TMPRSS4: variants seen among roughly 807,000 people sequenced by gnomAD.
TMPRSS4 encodes the protein transmembrane protease serine 4.
Under a neutral mutation model 56.4 loss-of-function variants are expected in TMPRSS4, and 45 were observed. The ratio of observed to expected loss-of-function variants is 0.80; its 90% confidence interval spans 0.63 to 1.02. The LOEUF is 1.02. TMPRSS4 is among the 50% of genes least tolerant of loss of function. The pLI is 0.00. For missense variants in TMPRSS4, 546 were observed against 556.7 expected (o/e 0.98, Z 0.19); for synonymous variants, 205 against 211.0 (o/e 0.97, Z 0.25).
At chr11:118,124,770 T>C (rs1947856897), downstream of TMPRSS4, among the ~76,000 whole-genome samples, 2 of 152,216 alleles carry the variant, frequency 1.3e-5, no homozygotes. Context: ...CAAAAAAGCA[T>C]TCTTCTCAAG....
Position 118,115,274 on chromosome 11 carries a change from C to T in TMPRSS4, c.1146C>T (p.Thr382=). 1 of 1,612,216 alleles carries T rather than the reference C, an allele frequency of 6.2e-7. No homozygotes were observed. Among genetic ancestry groups the T allele is most frequent in the Non-Finnish European group, 8.5e-7 (1 of 1,179,756 alleles). ...GCATCCCGGAAGGGGGTGTGGACAC[C>T]TGCCAGGTGGGGCCTCCAAGAATCA... ...CAGIPEGGVD[T]CQGDSGGPLM... The change falls in exon 11 of 13, where the codon ACC becomes ACT. Residue 382 remains threonine (T), a synonymous_variant. Transcript: ENST00000437212.
At chr11:118,091,929 G>A (rs1438061311) in intron 1 of TMPRSS4, among the ~76,000 whole-genome samples, 1 of 152,038 alleles carries the variant, frequency 6.6e-6, no homozygotes, top group Non-Finnish European at 1.5e-5. Flanking sequence ...GAGACGGCCG[G>A]GAATGAACTA....
intron 4 of TMPRSS4, 90 bp from the exon 5 acceptor site, chr11:118,104,601 G>C: frequency 6.3e-7 from 1 of 1,589,772 alleles, no homozygotes; most frequent in Non-Finnish European, 8.6e-7. Context: ...TCTAGGTTGG[G>C]GGAGCTTGGG....
At chr11:118,111,189 T>A (rs1947260532) in intron 7 of TMPRSS4, among the ~76,000 whole-genome samples, 1 of 152,112 alleles carries the variant, frequency 6.6e-6, no homozygotes, top group South Asian at 2.1e-4. Context: ...AGGGGGGACC[T>A]GAGGGCTTTA....
At chr11:118,100,667 A>C (rs2135394409) in intron 3 of TMPRSS4, among the ~76,000 whole-genome samples, 1 of 152,336 alleles carries the variant, frequency 6.6e-6, no homozygotes, top group Admixed American at 6.5e-5. Context: ...GGAGGTTTGC[A>C]GTGACATCAG....
intron 3 of TMPRSS4, among the ~76,000 whole-genome samples, chr11:118,101,672 T>C (rs1395257112): frequency 6.6e-6 from 1 of 152,090 alleles, no homozygotes; most frequent in Non-Finnish European, 1.5e-5. Context: ...TAGACGAGGG[T>C]CTCACTATGT....
chr11:118,092,784 A>C (rs952789449), intron 1 of TMPRSS4, among the ~76,000 whole-genome samples: 1 of 152,254 alleles, frequency 6.6e-6, no homozygotes, highest in Non-Finnish European at 1.5e-5. Flanking sequence ...GGAGGTTAGA[A>C]GCAAGATGGA....
chr11:118,099,702 G>T (rs1258333232), intron 3 of TMPRSS4, among the ~76,000 whole-genome samples: 2 of 152,134 alleles, frequency 1.3e-5, no homozygotes, highest in Non-Finnish European at 2.9e-5. Flanking sequence ...ATCTTCTGCA[G>T]ATTGCAAGCT....
intron 2 of TMPRSS4, among the ~76,000 whole-genome samples, chr11:118,096,825 G>A (rs12225935): frequency 0.63 from 13,231 of 21,046 alleles, 5,929 homozygotes; most frequent in Non-Finnish European, 0.7. Context: ...GAAAGAAAGA[G>A]AGAAAGAAAG....
At chr11:118,101,141 C>T (rs1261525565) in intron 3 of TMPRSS4, among the ~76,000 whole-genome samples, 1 of 152,080 alleles carries the variant, frequency 6.6e-6, no homozygotes, top group Non-Finnish European at 1.5e-5. Context: ...TTAGATGGGC[C>T]CTGGCTCTAC....
At position 118,103,243 on chromosome 11, in the gene TMPRSS4, T is replaced by A. The variant is rs980470402; in HGVS notation, c.300T>A (p.Pro100=). ...EHCVKSFPEG[P]AVAVRLSKDR... The stretch of plus-strand genomic sequence containing the variant: ...GTGTCAAGAGCTTCCCCGAAGGGCC[T>A]GCAGTGGCAGGTGAGTGCAGGGTCT... The change falls in exon 4 of 13, where the codon CCT becomes CCA. Residue 100 remains proline, a synonymous_variant. Transcript: ENST00000437212. The A allele has an allele frequency of 1.2e-6, 2 of 1,613,590 alleles. No individual in the cohort carries two copies. Among genetic ancestry groups the A allele is most frequent in the Non-Finnish European group, 1.7e-6 (2 of 1,179,874 alleles).
chr11:118,084,303 T>G (rs1945379958), intron 1 of TMPRSS4, among the ~76,000 whole-genome samples: 2 of 152,138 alleles, frequency 1.3e-5, no homozygotes, highest in Admixed American at 1.3e-4. Flanking sequence ...CAACCTCTCC[T>G]AGCAAATGTA....
chr11:118,122,414 A>C (rs1257611506), downstream of TMPRSS4, among the ~76,000 whole-genome samples: 1 of 152,204 alleles, frequency 6.6e-6, no homozygotes, highest in East Asian at 1.9e-4. Context: ...TTTAGGACAA[A>C]AAGACAAAAC....
intron 2 of TMPRSS4, among the ~76,000 whole-genome samples, chr11:118,096,279 G>A (rs9651684): frequency 1.3e-5 from 2 of 152,114 alleles, no homozygotes; most frequent in African/African-American, 2.4e-5. Flanking sequence ...TCCCCACTGC[G>A]TGGCCTCTGT....
At chr11:118,086,273 G>A (rs1397306209) in intron 1 of TMPRSS4, among the ~76,000 whole-genome samples, 1 of 152,246 alleles carries the variant, frequency 6.6e-6, no homozygotes, top group Non-Finnish European at 1.5e-5. Context: ...AGGCTGGCAG[G>A]GGATAATGGC....
At position 118,112,539 on chromosome 11, in the gene TMPRSS4, T is replaced by C. The variant is rs987889153; in HGVS notation, c.743+639T>C. ...TCCCAAGTAGCTGGGACTATAGGCA[T>C]GGGCCACCATGCCCGGCTAATTTTT... On this transcript the variant is annotated intron_variant, in intron 8 of 12. Transcript: ENST00000437212. 5.3e-5 allele frequency among the ~76,000 whole-genome samples: 8 copies of C among 151,938 alleles called. No homozygotes were observed. In the South Asian group the frequency reaches 1.5e-3, roughly 28 times the overall value.
intron 6 of TMPRSS4, 54 bp downstream of exon 6, chr11:118,107,929 C>T: frequency 6.7e-7 from 1 of 1,502,124 alleles, no homozygotes; most frequent in Non-Finnish European, 9.2e-7. Flanking sequence ...GGACGCTGCT[C>T]TTCAGGTTGC....
intron 2 of TMPRSS4, among the ~76,000 whole-genome samples, chr11:118,097,041 A>AGAAAGGAAAG (rs67321345): frequency 0.038 from 2,944 of 77,784 alleles, 284 homozygotes; most frequent in East Asian, 0.17. Context: ...AGAAAAGGAA[A>AGAAAGGAAAG]GAAAGGAAAG....
intron 3 of TMPRSS4, among the ~76,000 whole-genome samples, chr11:118,100,565 A>G (rs1946682705): frequency 6.6e-6 from 1 of 152,146 alleles, no homozygotes; most frequent in South Asian, 2.1e-4. Flanking sequence ...GAGCCACAAC[A>G]TAAACCCCAC....
Sources: allele counts gnomAD v4.1 joint callset (sites outside exome capture counted in the v4.1 genomes callset), GRCh38; gene constraint gnomAD v4.1.1; transcripts MANE v1.5; gene names NCBI Gene and HGNC (gene_info 2026-07-23, HGNC 2026-07-21).